The following LATS2 variants were observed in gnomAD, a reference collection of about 807,000 sequenced individuals.
The protein encoded by LATS2 is serine/threonine-protein kinase LATS2.
LATS2 carries 24 observed loss-of-function variants against 76.0 expected under a neutral mutation model. The ratio of observed to expected loss-of-function variants is 0.32; its 90% CI spans 0.23 to 0.44. LATS2 has a LOEUF of 0.44. Ranked by LOEUF, LATS2 falls within the 20% of genes least tolerant of loss-of-function variation. The pLI is 1.00. For synonymous variants in LATS2, 692 were observed against 635.4 expected (o/e 1.09, Z -1.34); for missense variants, 1,286 against 1,481.2 (o/e 0.87, Z 2.16).
chr13:20,982,827 A>G (rs1208577434), intron 5 of LATS2, among the ~76,000 whole-genome samples: 1 of 151,464 alleles, frequency 6.6e-6, no homozygotes, highest in Non-Finnish European at 1.5e-5. Context: ...CCCCGTCTCT[A>G]CTAAAAATAC....
At chr13:21,020,171 T>A (rs544115053) in intron 2 of LATS2, among the ~76,000 whole-genome samples, 30 of 151,152 alleles carry the variant, frequency 2.0e-4, no homozygotes, top group Non-Finnish European at 4.0e-4. Context: ...AACACACCAA[T>A]TCCCACTGTG....
intron 2 of LATS2, among the ~76,000 whole-genome samples, chr13:21,027,452 T>C (rs1276766036): frequency 6.6e-6 from 1 of 152,224 alleles, no homozygotes; most frequent in Non-Finnish European, 1.5e-5. Flanking sequence ...CACCATTTGC[T>C]GAAAAAACAA....
At chr13:21,010,029 G>T (rs2138339413) in intron 2 of LATS2, among the ~76,000 whole-genome samples, 1 of 152,154 alleles carries the variant, frequency 6.6e-6, no homozygotes, top group African/African-American at 2.4e-5. Flanking sequence ...ATGAAACCCT[G>T]TCTCTACTAA....
At chr13:20,980,163 T>C (rs963425587) in intron 6 of LATS2, among the ~76,000 whole-genome samples, 2 of 152,150 alleles carry the variant, frequency 1.3e-5, no homozygotes, top group Non-Finnish European at 2.9e-5. Context: ...CTATAACCTG[T>C]GAATAGTCAG....
At chr13:20,976,790 G>A (rs1242373510) in intron 7 of LATS2, among the ~76,000 whole-genome samples, 1 of 152,030 alleles carries the variant, frequency 6.6e-6, no homozygotes, top group Admixed American at 6.6e-5. Context: ...ACAAAAACAG[G>A]AAAATACTTA....
chr13:20,990,320 T>C (rs1234299175), intron 3 of LATS2, among the ~76,000 whole-genome samples: 2 of 145,438 alleles, frequency 1.4e-5, no homozygotes, highest in East Asian at 2.1e-4. Context: ...GGAAGTTCCT[T>C]CTCTTAAGAA....
chr13:21,044,689 GGT>G (rs71090554), intron 2 of LATS2, among the ~76,000 whole-genome samples: 8,293 of 137,482 alleles, frequency 0.06, 291 homozygotes, highest in African/African-American at 0.096. Flanking sequence ...GAGGTGTAGG[GGT>G]GTGTGTGTGT....
chr13:21,018,687 T>C (rs1302646259), intron 2 of LATS2, among the ~76,000 whole-genome samples: 4 of 152,174 alleles, frequency 2.6e-5, no homozygotes, highest in African/African-American at 9.7e-5. Flanking sequence ...GTTGTCTTGC[T>C]TTGTCGCCCT....
intron 2 of LATS2, among the ~76,000 whole-genome samples, chr13:21,043,309 C>T (rs956596520): frequency 6.6e-5 from 10 of 151,958 alleles, no homozygotes; most frequent in African/African-American, 2.4e-4. Flanking sequence ...CACACTCCAG[C>T]CTGGGCAACA....
At chr13:20,977,563 T>A (rs1442465504) in intron 7 of LATS2, among the ~76,000 whole-genome samples, 2 of 151,874 alleles carry the variant, frequency 1.3e-5, no homozygotes, top group Non-Finnish European at 2.9e-5. Flanking sequence ...ATGTACTTAA[T>A]GTCACTGAAT....
In LATS2 at chr13:20,979,805, A is replaced by T. The variant is rs1487069804; in HGVS notation, c.2666-8T>A. ...CACAGAGTTGAGTGTACCCTGCAAG[A>T]CAAAGTTCACTCAATCCCTACACAG... On this transcript the variant is annotated splice_polypyrimidine_tract_variant and splice_region_variant and intron_variant, in intron 6 of 7. Coordinates refer to ENST00000382592, the MANE Select transcript of LATS2 (RefSeq NM_014572.3). 2 of 1,494,298 alleles carry T rather than the reference A, an allele frequency of 1.3e-6. No individual in the cohort carries two copies. Among genetic ancestry groups the T allele is most frequent in the African/African-American group, 2.8e-5 (2 of 72,612 alleles). The allele number at this position is 1,494,298 out of a possible 1,614,324, so 92.6% of individuals were successfully genotyped here.
intron 2 of LATS2, among the ~76,000 whole-genome samples, chr13:21,040,233 A>C (rs1872821655): frequency 6.6e-6 from 1 of 152,068 alleles, no homozygotes; most frequent in Admixed American, 6.5e-5. Flanking sequence ...CAAAAAATAG[A>C]AAAATTAGCC....
chr13:20,988,343 C>T lies in LATS2; in HGVS notation c.1437G>A (p.Pro479=). ...CCTTGGCGTCCAAGCCCTCCGCAGC[C>T]GGGGCGGGGGCGGGGGCGGGGGCCG... The part of the protein sequence containing the change: ...PAPAPAPAPA[P]AAEGLDAKEE... The change falls in exon 4 of 8, where the codon CCG becomes CCA. Residue 479 remains proline, a synonymous_variant. Transcript: ENST00000382592. 7.7e-7 allele frequency: 1 copy of T among 1,298,770 alleles called. No homozygotes were observed. Among genetic ancestry groups the T allele is most frequent in the Non-Finnish European group, 1.0e-6 (1 of 1,004,360 alleles). The allele number at this position is 1,298,770 out of a possible 1,614,324, so 80.5% of individuals were successfully genotyped here.
intron 1 of LATS2, among the ~76,000 whole-genome samples, chr13:21,047,151 TC>T (rs1225886056): frequency 2.6e-5 from 4 of 152,210 alleles, no homozygotes; most frequent in Non-Finnish European, 5.9e-5. Flanking sequence ...ACTCTGCTGT[TC>T]TTTGATTCAG....
At chr13:20,986,619 G>A (rs549177701) in intron 4 of LATS2, among the ~76,000 whole-genome samples, 28 of 152,284 alleles carry the variant, frequency 1.8e-4, no homozygotes, top group African/African-American at 6.5e-4. Context: ...ACCAGAGGTG[G>A]GAAAGGGTGT....
At chr13:20,987,718 T>C (rs1260477783) in intron 4 of LATS2, among the ~76,000 whole-genome samples, 163 bp downstream of exon 4, 1 of 152,212 alleles carries the variant, frequency 6.6e-6, no homozygotes, top group Non-Finnish European at 1.5e-5. Context: ...TCACACCATT[T>C]GCAACTTCTC....
chr13:20,997,019 T>C (rs1870788645), intron 2 of LATS2, among the ~76,000 whole-genome samples: 1 of 152,164 alleles, frequency 6.6e-6, no homozygotes, highest in African/African-American at 2.4e-5. Context: ...TGCACTGCAG[T>C]GGGCTAGTCT....
chr13:21,011,623 T>TA (rs1356717318), intron 2 of LATS2, among the ~76,000 whole-genome samples: 28 of 152,208 alleles, frequency 1.8e-4, no homozygotes, highest in African/African-American at 6.8e-4. Context: ...CCTAGGAATT[T>TA]AAAAAATCTA....
chr13:21,024,578 G>A lies in LATS2; in HGVS notation c.342+21107C>T, dbSNP rs192347336. Among the ~76,000 whole-genome samples, 9 of 151,254 alleles carry A rather than the reference G, an allele frequency of 6.0e-5. 1 individual carries two copies. The highest frequency in any genetic ancestry group is 2.1e-4 in the South Asian group (1 of 4,796). On this transcript the variant is annotated intron_variant, in intron 2 of 7. Transcript: ENST00000382592. The stretch of plus-strand genomic sequence containing the variant: ...CCTGCGGGAGCTCTTCCTGCATAGC[G>A]CCTCACGGATGACATCTCACTTTGA...
Sources: allele counts gnomAD v4.1 joint callset (sites outside exome capture counted in the v4.1 genomes callset), GRCh38; gene constraint gnomAD v4.1.1; transcripts MANE v1.5; gene names NCBI Gene and HGNC (gene_info 2026-07-23, HGNC 2026-07-21).